Variants in DNM3 observed in about 807,000 individuals in gnomAD.
DNM3 encodes dynamin-3.
Under a neutral mutation model 101.6 loss-of-function variants are expected in DNM3, and 47 were observed. The ratio of observed to expected loss-of-function variants is 0.46; its 90% CI spans 0.37 to 0.59. The LOEUF is 0.59. Ranked by LOEUF, DNM3 falls within the 20% of genes least tolerant of loss-of-function variation. The pLI, the probability that DNM3 is intolerant of heterozygous loss-of-function variation, is 0.00. For synonymous variants in DNM3, 385 were observed against 387.9 expected, an observed-to-expected ratio of 0.99 and a Z score of 0.09; for missense variants, 849 against 1,085.7, an observed-to-expected ratio of 0.78 and a Z score of 3.06.
At chr1:172,319,106 T>C (rs1299020002) in intron 16 of DNM3, among the ~76,000 whole-genome samples, 2 of 152,182 alleles carry the variant, frequency 1.3e-5, no homozygotes, top group African/African-American at 2.4e-5. Context: ...TATCTGATCT[T>C]TGACAAACCT....
At chr1:172,354,108 T>TGAGAGAGAGAGAGAGAGAGAGA in intron 17 of DNM3, among the ~76,000 whole-genome samples, 1 of 30,824 alleles carries the variant, frequency 3.2e-5, no homozygotes. Flanking sequence ...TGTGTGTGTG[T>TGAGAGAGAGAGAGAGAGAGAGA]GTGTGAGAGA....
At chr1:172,077,702 A>C (rs764476345) in intron 11 of DNM3, among the ~76,000 whole-genome samples, 2 of 152,048 alleles carry the variant, frequency 1.3e-5, no homozygotes, top group Non-Finnish European at 2.9e-5. Context: ...GTTCTTTTGC[A>C]TTTGCTGAGG....
chr1:172,087,960 A>AC (rs1404801345), intron 12 of DNM3, among the ~76,000 whole-genome samples: 1 of 152,192 alleles, frequency 6.6e-6, no homozygotes, highest in Non-Finnish European at 1.5e-5. Context: ...CCCTAACTGT[A>AC]CCATACTTTT....
intron 6 of DNM3, among the ~76,000 whole-genome samples, chr1:172,034,369 A>G (rs1284533664): frequency 6.6e-6 from 1 of 152,108 alleles, no homozygotes; most frequent in Admixed American, 6.6e-5. Context: ...TGCACTGTCA[A>G]AACTCTCTTT....
intron 14 of DNM3, among the ~76,000 whole-genome samples, chr1:172,182,284 A>G (rs1173299330): frequency 6.6e-6 from 1 of 152,054 alleles, no homozygotes; most frequent in East Asian, 1.9e-4. Context: ...AAGCATAAAA[A>G]TGGAGATAAT....
chr1:172,110,394 C>T (rs570173345), intron 13 of DNM3, among the ~76,000 whole-genome samples: 1 of 152,324 alleles, frequency 6.6e-6, no homozygotes, highest in Admixed American at 6.5e-5. Context: ...CCCAATTTGA[C>T]TATATGCTCA....
rs181621637 is a variant in DNM3 at position 171,927,892 on chromosome 1, T to A, written c.235+6071T>A. 2.6e-5 allele frequency among the ~76,000 whole-genome samples: 4 copies of A among 152,346 alleles called. No homozygotes were observed. The East Asian group carries it at 7.7e-4, about 29-fold the overall frequency. ...ACTCATGTTGGAGAACTGGTGTGATTGTTTAGAGGACATATAATACTCTGG... is the reference window on the plus strand; with the variant it reads ...ACTCATGTTGGAGAACTGGTGTGATAGTTTAGAGGACATATAATACTCTGG... On this transcript the variant is annotated intron_variant, in intron 2 of 20. Transcript: ENST00000627582.
At position 172,208,841 on chromosome 1, in the gene DNM3, G is replaced by A. The variant is rs770834881; in HGVS notation, c.1660-44732G>A. Among the ~76,000 whole-genome samples the A allele has an allele frequency of 8.6e-5, 13 of 152,028 alleles. No individual in the cohort carries two copies. The East Asian group carries it at 1.6e-3, about 18-fold the overall frequency. On this transcript the variant is annotated intron_variant, in intron 14 of 20. Transcript: ENST00000627582. ...AATGCAGATTTCAAAGCACTTGCAC[G>A]TTTGTGCATGATCAACTATTTCTGT...
At chr1:171,906,389 A>G (rs1006237158) in intron 1 of DNM3, among the ~76,000 whole-genome samples, 6 of 151,738 alleles carry the variant, frequency 4.0e-5, no homozygotes, top group Non-Finnish European at 8.8e-5. Context: ...CAGCCTCTCA[A>G]ACTCCTGAGA....
intron 4 of DNM3, among the ~76,000 whole-genome samples, chr1:171,994,895 A>T (rs573553459): frequency 1.3e-5 from 2 of 151,960 alleles, no homozygotes; most frequent in Non-Finnish European, 2.9e-5. Flanking sequence ...ACTGCTAGAC[A>T]GGTTAAATAG....
intron 14 of DNM3, among the ~76,000 whole-genome samples, chr1:172,248,137 G>C (rs986559700): frequency 1.3e-5 from 2 of 151,976 alleles, no homozygotes; most frequent in Admixed American, 1.3e-4. Flanking sequence ...ATGTGTTAAA[G>C]GTTTGTATGA....
intron 8 of DNM3, among the ~76,000 whole-genome samples, chr1:172,043,138 A>G (rs1237739010): frequency 6.6e-6 from 1 of 152,112 alleles, no homozygotes; most frequent in African/African-American, 2.4e-5. Flanking sequence ...GCAAGAAAGG[A>G]TAGAGAGATG....
At chr1:172,150,988 T>C (rs2148228162) in intron 14 of DNM3, among the ~76,000 whole-genome samples, 1 of 152,324 alleles carries the variant, frequency 6.6e-6, no homozygotes, top group Non-Finnish European at 1.5e-5. Flanking sequence ...GATATATGGA[T>C]AGGTAGACTG....
At chr1:172,389,106 C>A in intron 20 of DNM3, 1 of 421,450 alleles carries the variant, frequency 2.4e-6, no homozygotes, top group Admixed American at 3.7e-5. Context: ...GGCTTTGAAA[C>A]AAAAGAGCTA....
At chr1:172,223,559 T>G (rs1273091679) in intron 14 of DNM3, among the ~76,000 whole-genome samples, 1 of 152,150 alleles carries the variant, frequency 6.6e-6, no homozygotes, top group Non-Finnish European at 1.5e-5. Flanking sequence ...TGTCTCAGAT[T>G]CCTCAGCATC....
At chr1:172,313,980 T>A (rs1334910693) in intron 16 of DNM3, among the ~76,000 whole-genome samples, 1 of 148,598 alleles carries the variant, frequency 6.7e-6, no homozygotes, top group Non-Finnish European at 1.5e-5. Flanking sequence ...CAGTGTGTGA[T>A]GTTCCCCTCC....
intron 13 of DNM3, among the ~76,000 whole-genome samples, chr1:172,094,890 C>T (rs1028970268): frequency 6.6e-5 from 10 of 152,130 alleles, no homozygotes; most frequent in African/African-American, 2.4e-4. Flanking sequence ...TCAGAAGCAT[C>T]GCTTAGCTCA....
intron 14 of DNM3, among the ~76,000 whole-genome samples, chr1:172,216,776 CAT>C (rs1460448907): frequency 2.0e-5 from 3 of 151,886 alleles, no homozygotes; most frequent in Admixed American, 2.0e-4. Flanking sequence ...CACACACACA[CAT>C]GCTGCAACCA....
intron 2 of DNM3, among the ~76,000 whole-genome samples, chr1:171,948,606 G>C (rs1407806511): frequency 6.6e-6 from 1 of 152,050 alleles, no homozygotes; most frequent in Non-Finnish European, 1.5e-5. Context: ...GAATAACTTG[G>C]GTAATTGAAA....
Sources: gnomAD v4.1 joint callset for allele counts (sites outside exome capture counted in the v4.1 genomes callset) on GRCh38, gnomAD v4.1.1 for gene constraint, MANE v1.5 for transcripts, NCBI Gene and HGNC (gene_info 2026-07-23, HGNC 2026-07-21) for gene names.